ARMC2: variants seen among roughly 807,000 people sequenced by gnomAD.
ARMC2 encodes armadillo repeat-containing protein 2.
In ARMC2, 67 loss-of-function variants were observed where a neutral mutation model predicts 90.3. That is an observed-to-expected ratio of 0.74 (90% confidence interval 0.61 to 0.91). The LOEUF (loss-of-function observed/expected upper bound fraction) is 0.91. Among genes scored for constraint, ARMC2 ranks in the 40% least tolerant of loss-of-function variants. The pLI is 0.00. For missense variants in ARMC2, 920 were observed against 1,030.9 expected, an observed-to-expected ratio of 0.89 and a Z score of 1.47; for synonymous variants, 393 against 393.0, an observed-to-expected ratio of 1.00 and a Z score of 0.00.
At chr6:108,891,837 A>G (rs2128455113) in intron 5 of ARMC2, among the ~76,000 whole-genome samples, 1 of 152,278 alleles carries the variant, frequency 6.6e-6, no homozygotes, top group Non-Finnish European at 1.5e-5. Flanking sequence ...TATGTCCTGA[A>G]TGGTATTGCC....
At position 108,899,770 on chromosome 6, in the gene ARMC2, G is replaced by T; in HGVS notation, c.825G>T (p.Pro275=). 6.2e-7 allele frequency: 1 copy of T among 1,612,716 alleles called. No individual in the cohort carries two copies. Among genetic ancestry groups the T allele is most frequent in the Non-Finnish European group, 8.5e-7 (1 of 1,179,436 alleles). The part of the protein sequence containing the change: ...DEVFWNTRIV[P]ILRELEKEEN... ...TCTTTTGGAATACAAGGATTGTACC[G>T]ATTTTGCGTGAATTAGAAAAGGGTA... The change falls in exon 7 of 18, where the codon CCG becomes CCT. Residue 275 remains proline, a synonymous_variant. Coordinates refer to ENST00000392644, the MANE Select transcript of ARMC2 (RefSeq NM_032131.6).
chr6:108,948,762 G>A (rs1776977871), intron 12 of ARMC2, among the ~76,000 whole-genome samples: 1 of 152,048 alleles, frequency 6.6e-6, no homozygotes, highest in East Asian at 1.9e-4. Context: ...TTTAGAAGAG[G>A]AAGGGGCCTG....
chr6:108,966,327 C>T (rs986668602), intron 17 of ARMC2, among the ~76,000 whole-genome samples: 10 of 151,930 alleles, frequency 6.6e-5, no homozygotes, highest in African/African-American at 2.4e-4. Flanking sequence ...ATCAGCCGTT[C>T]CGAAATGATA....
the ARMC2 span, among the ~76,000 whole-genome samples, chr6:108,988,101 C>T: frequency 6.6e-6 from 1 of 152,102 alleles, no homozygotes; most frequent in Non-Finnish European, 1.5e-5. Context: ...GCCTAATATT[C>T]TTTTTGGATA....
At chr6:108,908,697 G>GT (rs1195712676) in intron 8 of ARMC2, among the ~76,000 whole-genome samples, 2 of 152,084 alleles carry the variant, frequency 1.3e-5, no homozygotes, top group East Asian at 3.9e-4. Context: ...GCAGTGAGCT[G>GT]TAATGGCGGC....
the ARMC2 span, among the ~76,000 whole-genome samples, chr6:108,997,867 GAATTA>G: frequency 6.6e-6 from 1 of 152,082 alleles, no homozygotes; most frequent in Non-Finnish European, 1.5e-5. Context: ...TCATATACAG[GAATTA>G]AAATTTGCTT....
At chr6:108,991,834 C>T in the ARMC2 span, among the ~76,000 whole-genome samples, 1 of 152,186 alleles carries the variant, frequency 6.6e-6, no homozygotes, top group African/African-American at 2.4e-5. Context: ...TTTAAACATA[C>T]ACCACTAATC....
At chr6:108,991,520 G>A in the ARMC2 span, among the ~76,000 whole-genome samples, 1 of 152,154 alleles carries the variant, frequency 6.6e-6, no homozygotes, top group Non-Finnish European at 1.5e-5. Flanking sequence ...GGGATTACAC[G>A]TGGGAGCCAC....
chr6:108,964,122 A>C, intron 15 of ARMC2, 58 bp from the exon 16 acceptor site: 2 of 1,573,744 alleles, frequency 1.3e-6, no homozygotes, highest in South Asian at 1.2e-5. Flanking sequence ...CTGTAAAACA[A>C]GAGACAGCTG....
intron 12 of ARMC2, among the ~76,000 whole-genome samples, chr6:108,948,915 G>A (rs1776986739): frequency 6.6e-6 from 1 of 152,072 alleles, no homozygotes; most frequent in African/African-American, 2.4e-5. Flanking sequence ...CTAAATCCTG[G>A]CAAATCAACA....
chr6:108,978,222 G>T (rs193301197), downstream of ARMC2, among the ~76,000 whole-genome samples: 1 of 152,172 alleles, frequency 6.6e-6, no homozygotes, highest in Non-Finnish European at 1.5e-5. Context: ...TGGTTTCAAA[G>T]AATGTCTTTA....
the ARMC2 span, among the ~76,000 whole-genome samples, chr6:109,018,203 A>T: frequency 3.9e-5 from 6 of 152,198 alleles, no homozygotes; most frequent in African/African-American, 1.4e-4. Flanking sequence ...ATTAGATTTG[A>T]ACTTTGTTTT....
the ARMC2 span, among the ~76,000 whole-genome samples, chr6:108,979,748 T>G: frequency 6.6e-6 from 1 of 151,824 alleles, no homozygotes; most frequent in Non-Finnish European, 1.5e-5. Flanking sequence ...GAGTTGATCT[T>G]CAATCTCTGA....
rs769818342 is a variant in ARMC2, at chr6:108,918,328, A to T, written c.1350+5770A>T. Among the ~76,000 whole-genome samples, 9 of 151,954 alleles carry T rather than the reference A, an allele frequency of 5.9e-5. 1 individual carries two copies. The highest frequency in any genetic ancestry group is 1.2e-4 in the Non-Finnish European group (8 of 67,948). ...ACAGAGAGCGTGTAGGAGAAGAGGG[A>T]TCCCACCACTTTGTTTGGAGCCGTG... On this transcript the variant is annotated intron_variant, in intron 10 of 17. Transcript: ENST00000392644.
chr6:108,867,678 G>A (rs969656530), intron 3 of ARMC2, among the ~76,000 whole-genome samples: 4 of 152,134 alleles, frequency 2.6e-5, no homozygotes, highest in Admixed American at 2.6e-4. Context: ...GGCTGAGACC[G>A]GAGAATCGCT....
chr6:109,039,956 G>A, the ARMC2 span, among the ~76,000 whole-genome samples: 1 of 152,202 alleles, frequency 6.6e-6, no homozygotes, highest in Non-Finnish European at 1.5e-5. Context: ...CTGTGGCTGG[G>A]ATTTCACAAA....
the ARMC2 span, chr6:109,009,527 GC>G: frequency 2.9e-5 from 34 of 1,179,968 alleles, no homozygotes; most frequent in African/African-American, 5.2e-4. Context: ...GCGGCTCCTG[GC>G]TGCAGCGCCT....
intron 1 of ARMC2, among the ~76,000 whole-genome samples, chr6:108,850,035 TG>T (rs1337102859): frequency 2.6e-5 from 4 of 152,256 alleles, no homozygotes; most frequent in African/African-American, 9.6e-5. Context: ...ATCCTGGTAG[TG>T]CAGTGTTGCA....
chr6:108,997,557 G>A, the ARMC2 span, among the ~76,000 whole-genome samples: 238 of 152,300 alleles, frequency 1.6e-3, 1 homozygote, highest in Non-Finnish European at 2.8e-3. Flanking sequence ...CAAATGCTAA[G>A]TGCTGTACTT....
Sources: allele counts gnomAD v4.1 joint callset (sites outside exome capture counted in the v4.1 genomes callset), GRCh38; gene constraint gnomAD v4.1.1; transcripts MANE v1.5; gene names NCBI Gene and HGNC (gene_info 2026-07-23, HGNC 2026-07-21).